The following PAG1 variants were observed in gnomAD, a reference collection of about 807,000 sequenced individuals.
PAG1 encodes phosphoprotein associated with glycosphingolipid-enriched microdomains 1.
A neutral mutation model predicts 31.7 loss-of-function variants in PAG1; 23 were observed. The observed-to-expected ratio is 0.73, with a 90% CI of 0.52 to 1.03. The LOEUF (loss-of-function observed/expected upper bound fraction) is 1.03. PAG1 is among the 50% of genes least tolerant of loss of function. PAG1 has a pLI of 0.00. For missense variants in PAG1, 473 were observed against 540.7 expected, an observed-to-expected ratio of 0.87 and a Z score of 1.24; for synonymous variants, 214 against 210.3, an observed-to-expected ratio of 1.02 and a Z score of -0.15.
intron 1 of PAG1, among the ~76,000 whole-genome samples, chr8:81,081,267 T>C (rs1045006099): frequency 6.6e-6 from 1 of 152,116 alleles, no homozygotes; most frequent in East Asian, 1.9e-4. Flanking sequence ...CTTTCTGAAC[T>C]TGGACATGCA....
In PAG1 at chr8:80,970,743, C is replaced by T. The variant is rs188141973; in HGVS notation, c.*5801G>A. ...ACAGTGTACATGTTTTGGCAAAAGT[C>T]GTGACAAATAGCACCAGCATCTGCC... On this transcript the variant is annotated 3_prime_UTR_variant, in exon 9 of 9. Transcript: ENST00000220597. 2.6e-5 allele frequency: 4 copies of T among 153,266 alleles called. No homozygotes were observed. Among genetic ancestry groups the T allele is most frequent in the East Asian group, 1.9e-4 (1 of 5,184 alleles). The allele number at this position is 153,266 out of a possible 1,614,324, so 9.5% of individuals were successfully genotyped here. A position where few individuals can be genotyped will look rare whatever the true frequency, so the allele number is the denominator to read the frequency against.
In PAG1 at chr8:80,985,363, T is replaced by C; in HGVS notation, c.289A>G (p.Ser97Gly). The C allele has an allele frequency of 6.2e-7, 1 of 1,612,606 alleles. No individual in the cohort carries two copies. Among genetic ancestry groups the C allele is most frequent in the Non-Finnish European group, 8.5e-7 (1 of 1,178,922 alleles). Residue 97 changes from serine (S) to glycine (G), a missense_variant, in exon 7 of 9, where the codon AGT becomes GGT. Ser to Gly is a moderately conservative substitution (Grantham distance 56). Transcript: ENST00000220597. ...LTNGDILSED[S>G]TLTCMQHYEE... The stretch of plus-strand genomic sequence containing the variant: ...TAATGCTGCATGCAGGTCAGAGTAC[T>C]GTCCTCTGAAAGAACTAAAGCAGCA...
chr8:81,043,951 G>A (rs550713721), intron 2 of PAG1, among the ~76,000 whole-genome samples: 1 of 152,270 alleles, frequency 6.6e-6, no homozygotes, highest in Admixed American at 6.5e-5. Context: ...CTGTGGATGT[G>A]CAGATTTCTT....
chr8:81,080,525 T>C (rs1382025098), intron 1 of PAG1, among the ~76,000 whole-genome samples: 1 of 152,018 alleles, frequency 6.6e-6, no homozygotes, highest in Non-Finnish European at 1.5e-5. Context: ...TTGTGGTCTC[T>C]GGGTAAGTAG....
At chr8:80,987,732 A>G (rs1376784950) in intron 5 of PAG1, among the ~76,000 whole-genome samples, 27 of 152,214 alleles carry the variant, frequency 1.8e-4, no homozygotes, top group Admixed American at 1.8e-3. Flanking sequence ...TGTTTAATTT[A>G]TAAGTACAGT....
chr8:81,043,839 T>C (rs1443898530), intron 2 of PAG1, among the ~76,000 whole-genome samples: 1 of 152,242 alleles, frequency 6.6e-6, no homozygotes, highest in Non-Finnish European at 1.5e-5. Flanking sequence ...CCTTTGTTCT[T>C]CTGGATTTCA....
At position 80,998,593 on chromosome 8, in the gene PAG1, G is replaced by GAA. The variant is rs1377212864; in HGVS notation, c.-80-5287_-80-5286insTT. 1.0e-2 allele frequency among the ~76,000 whole-genome samples: 465 copies of GAA among 46,554 alleles called. 7 individuals are homozygous for GAA. The highest frequency in any genetic ancestry group is 0.031 in the African/African-American group (432 of 13,846). The allele number at this position is 46,554 out of a possible 152,430, so 30.5% of individuals were successfully genotyped here. ...CAGCCACCAAAATCAATTCCAACAGGAGAAAAAAAAAACCACACAAATTAA... is the reference window on the plus strand; with the variant it reads ...CAGCCACCAAAATCAATTCCAACAGGAAAGAAAAAAAAAACCACACAAATTAA... On this transcript the variant is annotated intron_variant, in intron 3 of 8. Transcript: ENST00000220597.
At chr8:81,097,831 G>A (rs1809552056) in intron 1 of PAG1, among the ~76,000 whole-genome samples, 1 of 152,040 alleles carries the variant, frequency 6.6e-6, no homozygotes, top group African/African-American at 2.4e-5. Context: ...TAAGCATTAC[G>A]TTGCTCTTTG....
intron 2 of PAG1, among the ~76,000 whole-genome samples, chr8:81,033,619 T>A (rs1243420997): frequency 1.3e-5 from 2 of 152,240 alleles, no homozygotes; most frequent in Non-Finnish European, 2.9e-5. Context: ...TTCTGTTACA[T>A]CTGGCTCTCT....
At chr8:81,085,113 G>A (rs1586210482) in intron 1 of PAG1, among the ~76,000 whole-genome samples, 1 of 152,154 alleles carries the variant, frequency 6.6e-6, no homozygotes, top group South Asian at 2.1e-4. Flanking sequence ...ACTTGGAATA[G>A]TTCTTAGAAA....
intron 1 of PAG1, among the ~76,000 whole-genome samples, chr8:81,100,733 C>G (rs911762802): frequency 1.3e-5 from 2 of 152,226 alleles, no homozygotes; most frequent in Non-Finnish European, 2.9e-5. Flanking sequence ...AATGATGATT[C>G]TCTGACCACA....
At chr8:81,017,275 G>A (rs536396903) in intron 3 of PAG1, among the ~76,000 whole-genome samples, 6 of 152,292 alleles carry the variant, frequency 3.9e-5, no homozygotes, top group African/African-American at 1.4e-4. Context: ...AAATATTTAT[G>A]CAATTACACT....
At chr8:81,043,305 T>C (rs958537870) in intron 2 of PAG1, among the ~76,000 whole-genome samples, 4 of 152,234 alleles carry the variant, frequency 2.6e-5, no homozygotes, top group African/African-American at 9.6e-5. Context: ...TAGAGTATTA[T>C]GTTTTAAAAA....
chr8:80,983,572 T>G (rs972249077), intron 7 of PAG1, among the ~76,000 whole-genome samples: 1 of 152,232 alleles, frequency 6.6e-6, no homozygotes, highest in Admixed American at 6.5e-5. Flanking sequence ...GTTGTTTATA[T>G]AAAGATGATG....
intron 1 of PAG1, among the ~76,000 whole-genome samples, chr8:81,087,808 C>T (rs1809384617): frequency 6.6e-6 from 1 of 152,160 alleles, no homozygotes; most frequent in South Asian, 2.1e-4. Context: ...GTCACCTGGG[C>T]TGGTCAGGCA....
chr8:81,012,422 A>G (rs1808001129), intron 3 of PAG1, among the ~76,000 whole-genome samples: 1 of 152,248 alleles, frequency 6.6e-6, no homozygotes, highest in Non-Finnish European at 1.5e-5. Flanking sequence ...TCAGCATAGA[A>G]AAGTATATTT....
At chr8:81,005,971 C>A (rs1807869399) in intron 3 of PAG1, among the ~76,000 whole-genome samples, 1 of 152,182 alleles carries the variant, frequency 6.6e-6, no homozygotes, top group Non-Finnish European at 1.5e-5. Context: ...GAGACGGAGT[C>A]TTGCTCTGTC....
intron 1 of PAG1, among the ~76,000 whole-genome samples, chr8:81,085,055 T>C (rs1404046648): frequency 6.6e-6 from 1 of 152,210 alleles, no homozygotes; most frequent in Non-Finnish European, 1.5e-5. Context: ...GAACGCACTT[T>C]AAAACAATCT....
intron 2 of PAG1, among the ~76,000 whole-genome samples, chr8:81,054,242 G>A (rs192404240): frequency 1.3e-5 from 2 of 152,198 alleles, no homozygotes; most frequent in African/African-American, 2.4e-5. Flanking sequence ...CATATACAAG[G>A]CCTTGCAGTC....
Sources: allele counts gnomAD v4.1 joint callset (sites outside exome capture counted in the v4.1 genomes callset), GRCh38; gene constraint gnomAD v4.1.1; transcripts MANE v1.5; gene names NCBI Gene and HGNC (gene_info 2026-07-23, HGNC 2026-07-21).